The following RTKN2 variants were observed in gnomAD, a reference collection of about 807,000 sequenced individuals.
RTKN2 encodes the protein rhotekin-2.
A neutral mutation model predicts 71.5 loss-of-function variants in RTKN2; 69 were observed. The ratio of observed to expected loss-of-function variants is 0.96; its 90% CI spans 0.79 to 1.18. The LOEUF (loss-of-function observed/expected upper bound fraction) is 1.18, where lower values mean the gene tolerates loss of function less well. RTKN2 is among the 50% of genes most tolerant of loss of function. The pLI, the probability that RTKN2 is intolerant of heterozygous loss-of-function variation, is 0.00. For missense variants in RTKN2, 724 were observed against 719.7 expected (o/e 1.01, Z -0.07); for synonymous variants, 236 against 236.5 (o/e 1.00, Z 0.02).
chr10:62,208,517 A>G (rs542509921), intron 9 of RTKN2, among the ~76,000 whole-genome samples: 2 of 152,204 alleles, frequency 1.3e-5, no homozygotes, highest in Non-Finnish European at 2.9e-5. Context: ...CATTGACTAG[A>G]ATAGCAATGG....
chr10:62,263,376 C>T (rs891544101), intron 1 of RTKN2, among the ~76,000 whole-genome samples: 3 of 152,160 alleles, frequency 2.0e-5, no homozygotes, highest in Non-Finnish European at 4.4e-5. Context: ...GAATTCTTTC[C>T]TAGGGCCTGC....
intron 8 of RTKN2, among the ~76,000 whole-genome samples, chr10:62,185,346 G>A (rs1426922410): frequency 2.6e-5 from 4 of 152,126 alleles, no homozygotes; most frequent in African/African-American, 7.2e-5. Flanking sequence ...GGCTGGGCAC[G>A]GTGGCTCAGG....
Position 62,194,960 on chromosome 10 carries a change from GC to G in RTKN2, c.*2947del, listed in dbSNP as rs1564495627. On this transcript the variant is annotated 3_prime_UTR_variant, in exon 12 of 12. Coordinates refer to ENST00000373789, the MANE Select transcript of RTKN2 (RefSeq NM_145307.4). ...GTTAAGGAGGATTTAACAAAACTCA[GC>G]AAGAGTTGGCACGCCTGATATTTTT... is the stretch of plus-strand genomic sequence containing the variant. The G allele has an allele frequency of 2.0e-6, 2 of 985,282 alleles. No homozygotes were observed. The highest frequency in any genetic ancestry group is 2.4e-6 in the Non-Finnish European group (2 of 829,920). The allele number at this position is 985,282 out of a possible 1,614,324, so 61.0% of individuals were successfully genotyped here. A position where few individuals can be genotyped will look rare whatever the true frequency, so the allele number is the denominator to read the frequency against.
chr10:62,246,070 A>G lies in RTKN2; in HGVS notation c.258-13T>C. On this transcript the variant is annotated splice_polypyrimidine_tract_variant and intron_variant, in intron 2 of 11. Transcript: ENST00000373789. ...AAATTTCACATCACTGTCAAAACAA[A>G]AAAACTTATGGAAAAAAGATCTTTT... The G allele has an allele frequency of 6.4e-7, 1 of 1,550,832 alleles. No individual in the cohort carries two copies. The highest frequency in any genetic ancestry group is 8.8e-7 in the Non-Finnish European group (1 of 1,139,810).
At chr10:62,227,865 T>C (rs980856894) in intron 6 of RTKN2, among the ~76,000 whole-genome samples, 2 of 152,104 alleles carry the variant, frequency 1.3e-5, no homozygotes, top group Non-Finnish European at 2.9e-5. Context: ...TAAGTTTCAG[T>C]GCAAAGACAG....
chr10:62,222,675 A>G (rs10733771), intron 7 of RTKN2, among the ~76,000 whole-genome samples: 115,406 of 152,020 alleles, frequency 0.76, 43,903 homozygotes, highest in East Asian at 0.9. Context: ...TTTTCATCAC[A>G]AGTAAAATAA....
At chr10:62,208,675 A>G (rs71508909) in intron 9 of RTKN2, among the ~76,000 whole-genome samples, 4 of 150,890 alleles carry the variant, frequency 2.7e-5, no homozygotes, top group Admixed American at 2.0e-4. Context: ...AAACAAGCAA[A>G]CAAACAAACA....
intron 6 of RTKN2, among the ~76,000 whole-genome samples, chr10:62,228,996 C>A (rs1409502419): frequency 6.6e-6 from 1 of 152,140 alleles, no homozygotes. Flanking sequence ...AGTAGAATTG[C>A]TCGGTCATAC....
chr10:62,255,912 T>C (rs908235367), intron 2 of RTKN2, among the ~76,000 whole-genome samples: 3 of 152,150 alleles, frequency 2.0e-5, no homozygotes, highest in African/African-American at 7.2e-5. Flanking sequence ...AATGTCCATC[T>C]ATGGCAAAAA....
intron 2 of RTKN2, among the ~76,000 whole-genome samples, chr10:62,257,363 A>T (rs887546435): frequency 1.3e-5 from 2 of 152,234 alleles, no homozygotes; most frequent in Non-Finnish European, 2.9e-5. Context: ...TTTGGATGGT[A>T]CTAGAAGTAA....
chr10:62,208,374 C>G (rs993332613), intron 9 of RTKN2, among the ~76,000 whole-genome samples: 1 of 152,058 alleles, frequency 6.6e-6, no homozygotes. Context: ...TCAGCCTGGG[C>G]CAGGAAATGT....
rs573125283 is a variant in RTKN2 at position 62,196,087 on chromosome 10, T to C, written c.*1821A>G. 2.1e-5 allele frequency: 21 copies of C among 985,338 alleles called. No individual in the cohort carries two copies. In the African/African-American group the frequency reaches 3.7e-4, roughly 17 times the overall value. 61.0% of individuals were successfully genotyped at this position (985,338 alleles called of 1,614,324 possible). A position where few individuals can be genotyped will look rare whatever the true frequency, so the allele number is the denominator to read the frequency against. ...CTTAGATGCCAGCTTCAAAACAATTTTCCCTGCAGCATCTTCTAGCTCAAT... is the reference window on the plus strand; with the variant it reads ...CTTAGATGCCAGCTTCAAAACAATTCTCCCTGCAGCATCTTCTAGCTCAAT... On this transcript the variant is annotated 3_prime_UTR_variant, in exon 12 of 12. Transcript: ENST00000373789.
Position 62,196,071 on chromosome 10 carries a change from C to T in RTKN2, c.*1837G>A. On this transcript the variant is annotated 3_prime_UTR_variant, in exon 12 of 12. Coordinates refer to ENST00000373789, the MANE Select transcript of RTKN2 (RefSeq NM_145307.4). ...GAAAAAAAAAAGAATGCTTAGATGCCAGCTTCAAAACAATTTTCCCTGCAG... is the reference window on the plus strand; with the variant it reads ...GAAAAAAAAAAGAATGCTTAGATGCTAGCTTCAAAACAATTTTCCCTGCAG... The T allele has an allele frequency of 4.1e-6, 4 of 985,118 alleles. No homozygotes were observed. Among genetic ancestry groups the T allele is most frequent in the Non-Finnish European group, 3.6e-6 (3 of 829,866 alleles). 61.0% of individuals were successfully genotyped at this position (985,118 alleles called of 1,614,324 possible).
chr10:62,254,274 T>C (rs971136463), intron 2 of RTKN2, among the ~76,000 whole-genome samples: 2 of 152,064 alleles, frequency 1.3e-5, no homozygotes, highest in African/African-American at 2.4e-5. Context: ...TGATAGTGAG[T>C]TCTCAAGAGA....
chr10:62,218,426 T>C (rs1841827579), intron 7 of RTKN2, 125 bp from the exon 8 acceptor site: 4 of 603,568 alleles, frequency 6.6e-6, no homozygotes, highest in Middle Eastern at 4.5e-4. Flanking sequence ...TATTTTAGAA[T>C]TAGTTTCATG....
chr10:62,194,195 A>G lies in RTKN2; in HGVS notation c.*3713T>C. 1 of 983,826 alleles carries G rather than the reference A, an allele frequency of 1.0e-6. No individual in the cohort carries two copies. Among genetic ancestry groups the G allele is most frequent in the African/African-American group, 1.7e-5 (1 of 57,328 alleles). 60.9% of individuals were successfully genotyped at this position (983,826 alleles called of 1,614,324 possible). ...CATGTCAGAAAATCAACACACCCTA[A>G]TATATTTTCAAATGATGACTTGTCT... On this transcript the variant is annotated 3_prime_UTR_variant, in exon 12 of 12. Coordinates refer to ENST00000373789, the MANE Select transcript of RTKN2 (RefSeq NM_145307.4).
chr10:62,268,429 TG>T, intron 1 of RTKN2, 121 bp downstream of exon 1: 1 of 961,310 alleles, frequency 1.0e-6, no homozygotes, highest in Non-Finnish European at 1.6e-6. Context: ...CCTTTGTTTC[TG>T]GCCACCGCTG....
chr10:62,194,279 AAT>A lies in RTKN2; in HGVS notation c.*3627_*3628del. The A allele has an allele frequency of 1.0e-6, 1 of 984,418 alleles. No homozygotes were observed. Among genetic ancestry groups the A allele is most frequent in the Non-Finnish European group, 1.2e-6 (1 of 829,000 alleles). The allele number at this position is 984,418 out of a possible 1,614,324, so 61.0% of individuals were successfully genotyped here. A position where few individuals can be genotyped will look rare whatever the true frequency, so the allele number is the denominator to read the frequency against. On this transcript the variant is annotated 3_prime_UTR_variant, in exon 12 of 12. Coordinates refer to ENST00000373789, the MANE Select transcript of RTKN2 (RefSeq NM_145307.4). ...TTAACTAAGAACATCTATGATCCAG[AAT>A]ATGCAGATTTCATTTAACTATTAAT...
Position 62,236,186 on chromosome 10 carries a change from G to C in RTKN2, c.566C>G (p.Thr189Arg). The part of the protein sequence containing the change: ...CCTEESSITN[T>R]PKKLAKKLKT... ...GAGTTTCTTAGCTAGCTTTTTTGGT[G>C]TGTTGGTTATAGAAGATTCTTCTGT... The change falls in exon 6 of 12, where the codon ACA becomes AGA. Residue 189 changes from threonine to arginine, a missense_variant. Physicochemically the swap from Thr to Arg is moderately conservative, Grantham distance 71. Coordinates refer to ENST00000373789, the MANE Select transcript of RTKN2 (RefSeq NM_145307.4). 4.3e-6 allele frequency: 7 copies of C among 1,611,570 alleles called. No individual in the cohort carries two copies. The highest frequency in any genetic ancestry group is 5.9e-6 in the Non-Finnish European group (7 of 1,178,210).
Sources: allele counts gnomAD v4.1 joint callset (sites outside exome capture counted in the v4.1 genomes callset), GRCh38; gene constraint gnomAD v4.1.1; transcripts MANE v1.5; gene names NCBI Gene and HGNC (gene_info 2026-07-23, HGNC 2026-07-21).